Variants in MAGI2 observed in about 807,000 individuals in gnomAD.
The protein encoded by MAGI2 is membrane associated guanylate kinase, WW and PDZ domain containing 2, also known as membrane-associated guanylate kinase, WW and PDZ domain-containing protein 2.
In MAGI2, 35 loss-of-function variants were observed where a neutral mutation model predicts 133.3. The ratio of observed to expected loss-of-function variants is 0.26; its 90% CI spans 0.20 to 0.35. The LOEUF (loss-of-function observed/expected upper bound fraction) is 0.35. Ranked by LOEUF, MAGI2 falls within the 10% of genes least tolerant of loss-of-function variation. The probability of loss-of-function intolerance (pLI) is 1.00; values close to 1 mark genes in which losing one functional copy is unlikely to be tolerated. For missense variants in MAGI2, 1,636 were observed against 1,863.4 expected (o/e 0.88, Z 2.25); for synonymous variants, 729 against 710.6 (o/e 1.03, Z -0.41).
intron 1 of MAGI2, among the ~76,000 whole-genome samples, chr7:79,244,043 A>G (rs756394431): frequency 1.3e-5 from 2 of 152,184 alleles, no homozygotes; most frequent in Non-Finnish European, 2.9e-5. Context: ...AATTACATCT[A>G]TTTGATGTTT....
chr7:78,665,595 T>A (rs1009078634), intron 2 of MAGI2, among the ~76,000 whole-genome samples: 1 of 152,190 alleles, frequency 6.6e-6, no homozygotes, highest in Non-Finnish European at 1.5e-5. Context: ...ACTTGAAAAC[T>A]ATGCTGTTTG....
At chr7:78,638,865 G>T (rs1422229272) in intron 2 of MAGI2, among the ~76,000 whole-genome samples, 1 of 152,064 alleles carries the variant, frequency 6.6e-6, no homozygotes, top group Non-Finnish European at 1.5e-5. Flanking sequence ...ATAAAAGGAG[G>T]CTTTTGATTC....
chr7:78,403,212 C>T (rs2151352127), intron 6 of MAGI2, among the ~76,000 whole-genome samples: 1 of 151,924 alleles, frequency 6.6e-6, no homozygotes, highest in South Asian at 2.1e-4. Flanking sequence ...CAAGTGTTCT[C>T]ATTGTTCAAT....
chr7:78,986,916 A>C (rs866528733), intron 2 of MAGI2, among the ~76,000 whole-genome samples: 4 of 151,958 alleles, frequency 2.6e-5, no homozygotes, highest in African/African-American at 9.7e-5. Context: ...AATCAAGAAC[A>C]TACTCACCTG....
At chr7:78,446,324 G>A (rs978534507) in intron 6 of MAGI2, among the ~76,000 whole-genome samples, 5 of 151,950 alleles carry the variant, frequency 3.3e-5, no homozygotes, top group Non-Finnish European at 7.4e-5. Flanking sequence ...TGATGGAAGT[G>A]ATCAACTTAA....
intron 2 of MAGI2, among the ~76,000 whole-genome samples, chr7:78,848,378 TG>T (rs2151476421): frequency 6.6e-6 from 1 of 152,152 alleles, no homozygotes; most frequent in East Asian, 1.9e-4. Flanking sequence ...CCATCTCAGA[TG>T]TTCCTATCCT....
intron 3 of MAGI2, among the ~76,000 whole-genome samples, chr7:78,573,247 A>AATATATATATAAAT (rs1218502563): frequency 7.4e-4 from 33 of 44,836 alleles, no homozygotes; most frequent in Non-Finnish European, 1.1e-3. Flanking sequence ...TATATATATA[A>AATATATATATAAAT]ATATATATAA....
chr7:78,537,193 A>G (rs1347258171), intron 3 of MAGI2, among the ~76,000 whole-genome samples: 2 of 151,760 alleles, frequency 1.3e-5, no homozygotes, highest in Non-Finnish European at 2.9e-5. Flanking sequence ...ACACACACAC[A>G]CACACACACA....
chr7:79,238,047 G>T (rs576838407), intron 1 of MAGI2, among the ~76,000 whole-genome samples: 1 of 152,206 alleles, frequency 6.6e-6, no homozygotes, highest in African/African-American at 2.4e-5. Context: ...TTGAAATTAG[G>T]ATTTTCAGTA....
chr7:78,241,137 AG>A (rs1272473802), intron 10 of MAGI2, among the ~76,000 whole-genome samples: 5 of 152,110 alleles, frequency 3.3e-5, no homozygotes, highest in African/African-American at 1.2e-4. Context: ...GTTAGCCCTA[AG>A]TAAATACTTA....
chr7:79,139,891 A>G (rs1470657309), intron 1 of MAGI2: 6 of 152,220 alleles, frequency 3.9e-5, no homozygotes, highest in African/African-American at 1.4e-4. Flanking sequence ...ATCCTTTCAG[A>G]AAGTAAATGG....
chr7:78,241,396 G>C (rs1791121767), intron 10 of MAGI2, among the ~76,000 whole-genome samples: 2 of 152,080 alleles, frequency 1.3e-5, no homozygotes, highest in African/African-American at 2.4e-5. Flanking sequence ...TTTGGTGTAT[G>C]TCTTGTAAAA....
chr7:79,056,965 A>G (rs1016373005), intron 1 of MAGI2, among the ~76,000 whole-genome samples: 6 of 152,192 alleles, frequency 3.9e-5, no homozygotes, highest in Non-Finnish European at 8.8e-5. Context: ...TGTGAACAAT[A>G]CCTAAAAGAG....
intron 10 of MAGI2, among the ~76,000 whole-genome samples, chr7:78,236,144 T>C (rs1209853031): frequency 6.6e-6 from 1 of 152,022 alleles, no homozygotes; most frequent in Non-Finnish European, 1.5e-5. Context: ...CCATTAGTGT[T>C]AAACTCCATA....
In MAGI2 at chr7:78,232,054, G is replaced by GA. The variant is rs528262127; in HGVS notation, c.2047+23888dup. Among the ~76,000 whole-genome samples the GA allele has an allele frequency of 1.7e-3, 255 of 147,118 alleles. 1 individual carries two copies. The highest frequency in any genetic ancestry group is 5.2e-3 in the East Asian group (26 of 5,016). ...ACCATTGCTAAGAGGTATTCCACAAGAAAAAAAAAACCACACAGGCAAAAA... is the reference window on the plus strand; with the variant it reads ...ACCATTGCTAAGAGGTATTCCACAAGAAAAAAAAAAACCACACAGGCAAAAA... On this transcript the variant is annotated intron_variant, in intron 10 of 21. Coordinates refer to ENST00000354212, the MANE Select transcript of MAGI2 (RefSeq NM_012301.4).
chr7:78,245,863 A>T (rs1023016009), intron 10 of MAGI2, among the ~76,000 whole-genome samples: 1 of 152,108 alleles, frequency 6.6e-6, no homozygotes, highest in African/African-American at 2.4e-5. Flanking sequence ...TGTGACCCAC[A>T]CGGCTACTGT....
At chr7:78,155,191 C>T (rs1437710056) in intron 16 of MAGI2, among the ~76,000 whole-genome samples, 1 of 152,088 alleles carries the variant, frequency 6.6e-6, no homozygotes, top group Non-Finnish European at 1.5e-5. Context: ...TATTTTTATT[C>T]AAGGCTTTGT....
At chr7:78,070,090 A>AAC (rs1341072854) in intron 21 of MAGI2, among the ~76,000 whole-genome samples, 118 of 125,018 alleles carry the variant, frequency 9.4e-4, no homozygotes, top group African/African-American at 3.4e-3. Context: ...GGTCACTATA[A>AAC]ACACACACAC....
intron 9 of MAGI2, among the ~76,000 whole-genome samples, chr7:78,323,909 G>A (rs1221769261): frequency 1.3e-5 from 2 of 152,110 alleles, no homozygotes; most frequent in African/African-American, 4.8e-5. Context: ...AGGGTTGGGA[G>A]CAAAAACCTG....
Sources: allele counts gnomAD v4.1 joint callset (sites outside exome capture counted in the v4.1 genomes callset), GRCh38; gene constraint gnomAD v4.1.1; transcripts MANE v1.5; gene names NCBI Gene and HGNC (gene_info 2026-07-23, HGNC 2026-07-21).